The following CPXM2 variants were observed in gnomAD, a reference collection of about 807,000 sequenced individuals.
The protein encoded by CPXM2 is inactive carboxypeptidase-like protein X2.
CPXM2 carries 66 observed loss-of-function variants against 86.1 expected under a neutral mutation model. That is an observed-to-expected ratio of 0.77 (90% CI 0.63 to 0.94). The LOEUF (loss-of-function observed/expected upper bound fraction) is 0.94, where lower values mean the gene tolerates loss of function less well. Ranked by LOEUF, CPXM2 falls within the 40% of genes least tolerant of loss-of-function variation. The pLI, the probability that CPXM2 is intolerant of heterozygous loss-of-function variation, is 0.00. For synonymous variants in CPXM2, 388 were observed against 400.2 expected (o/e 0.97, Z 0.36); for missense variants, 948 against 1,026.3 (o/e 0.92, Z 1.04).
intron 4 of CPXM2, among the ~76,000 whole-genome samples, chr10:123,828,557 T>C (rs562237722): frequency 6.3e-4 from 96 of 152,340 alleles, no homozygotes; most frequent in African/African-American, 2.2e-3. Flanking sequence ...ATGTAAGATG[T>C]TCCTTGCTCT....
intron 13 of CPXM2, chr10:123,752,267 G>A: frequency 1.0e-6 from 1 of 985,340 alleles, no homozygotes; most frequent in Non-Finnish European, 1.2e-6. Context: ...TGAAAAAAAT[G>A]AACACCTATG....
chr10:123,885,464 T>C lies in CPXM2; in HGVS notation c.305-5155A>G, dbSNP rs148164333. ...CTCTTCATCCTGGAAAAACTCACCA[T>C]GGAGCACCTACCTGTGCCTAGCATG... On this transcript the variant is annotated intron_variant, in intron 1 of 13. Transcript: ENST00000241305. The surrounding 1 kb of genome is among the most constrained non-coding windows in gnomAD (Gnocchi z 4.0). Among the ~76,000 whole-genome samples the C allele has an allele frequency of 8.3e-4, 127 of 152,330 alleles. No homozygotes were observed. Among genetic ancestry groups the C allele is most frequent in the African/African-American group, 3.0e-3 (123 of 41,574 alleles).
At chr10:123,806,708 A>C (rs1444373508) in intron 4 of CPXM2, among the ~76,000 whole-genome samples, 2 of 152,154 alleles carry the variant, frequency 1.3e-5, no homozygotes, top group Admixed American at 1.3e-4. Context: ...GGTGGAAAGC[A>C]AAGGGGAACA....
In CPXM2 at chr10:123,868,806, CTG is replaced by C. The variant is rs745836212; in HGVS notation, c.404-6085_404-6084del. Among the ~76,000 whole-genome samples, 149 of 152,206 alleles carry C rather than the reference CTG, an allele frequency of 9.8e-4. 1 individual carries two copies. The highest frequency in any genetic ancestry group is 2.1e-3 in the South Asian group (10 of 4,798). On this transcript the variant is annotated intron_variant, in intron 2 of 13. Transcript: ENST00000241305. ...ACGTGACCGGCAGGTGCAGCAGACA[CTG>C]AGGACTGCATGGCACTTCCCGCAAA... is the stretch of plus-strand genomic sequence containing the variant.
chr10:123,915,929 G>C (rs1945531234), intron 2 of CPXM2, among the ~76,000 whole-genome samples: 1 of 152,122 alleles, frequency 6.6e-6, no homozygotes, highest in African/African-American at 2.4e-5. Flanking sequence ...CTGCCCTTGA[G>C]CAATTTTCTG....
intron 4 of CPXM2, among the ~76,000 whole-genome samples, chr10:123,838,997 C>T (rs1471162062): frequency 3.3e-5 from 5 of 152,178 alleles, no homozygotes; most frequent in African/African-American, 1.2e-4. Flanking sequence ...TCTATATTTT[C>T]TAAATATTTC....
At chr10:123,846,520 C>T (rs1415562234) in intron 3 of CPXM2, among the ~76,000 whole-genome samples, 1 of 152,224 alleles carries the variant, frequency 6.6e-6, no homozygotes, top group East Asian at 1.9e-4. Context: ...TCACTTCTTG[C>T]TGTGAAAGCC....
intron 6 of CPXM2, among the ~76,000 whole-genome samples, chr10:123,793,893 C>A (rs1002968566): frequency 1.3e-5 from 2 of 152,196 alleles, no homozygotes; most frequent in African/African-American, 4.8e-5. Context: ...CCCATGGTGA[C>A]CCAACAGAGC....
chr10:123,899,768 C>T (rs532925057), intron 2 of CPXM2, among the ~76,000 whole-genome samples: 4 of 152,208 alleles, frequency 2.6e-5, no homozygotes, highest in East Asian at 3.9e-4. Context: ...TTACCACACA[C>T]GAAAGTGGAC....
intron 1 of CPXM2, among the ~76,000 whole-genome samples, chr10:123,883,069 C>T (rs1026945752): frequency 6.6e-6 from 1 of 151,942 alleles, no homozygotes; most frequent in Non-Finnish European, 1.5e-5. Flanking sequence ...ATCACAACAC[C>T]ATGGCCCGGG....
chr10:123,877,646 C>G (rs965452666), intron 2 of CPXM2, among the ~76,000 whole-genome samples: 11 of 152,180 alleles, frequency 7.2e-5, no homozygotes, highest in African/African-American at 2.7e-4. Flanking sequence ...CAGCCCAAAG[C>G]CAAGGGACTT....
chr10:123,899,286 A>ATTATACATAAAC (rs1945363225), intron 2 of CPXM2, among the ~76,000 whole-genome samples: 1 of 149,242 alleles, frequency 6.7e-6, no homozygotes, highest in Admixed American at 6.9e-5. Context: ...TATACATAAA[A>ATTATACATAAAC]TCCATAAAGT....
chr10:123,821,528 C>T (rs1388482778), intron 4 of CPXM2, among the ~76,000 whole-genome samples: 2 of 152,228 alleles, frequency 1.3e-5, no homozygotes, highest in South Asian at 2.1e-4. Context: ...CTGCCAACCA[C>T]GTAAGTGTGT....
chr10:123,831,194 G>T (rs1213694604), intron 4 of CPXM2, among the ~76,000 whole-genome samples: 3 of 152,306 alleles, frequency 2.0e-5, no homozygotes, highest in Non-Finnish European at 4.4e-5. Flanking sequence ...TGGGTACAGG[G>T]TGAAGCAGTT....
chr10:123,821,655 G>A (rs1226107195), intron 4 of CPXM2, among the ~76,000 whole-genome samples: 1 of 152,174 alleles, frequency 6.6e-6, no homozygotes, highest in Non-Finnish European at 1.5e-5. Flanking sequence ...GTCAAATGGG[G>A]GTAATGTTGT....
intron 1 of CPXM2, among the ~76,000 whole-genome samples, chr10:123,881,858 C>T (rs1405619043): frequency 5.3e-5 from 8 of 152,208 alleles, no homozygotes; most frequent in African/African-American, 1.9e-4. Flanking sequence ...TGATGTCTGG[C>T]TTTGCTCACT....
chr10:123,752,472 C>T, intron 13 of CPXM2: 1 of 985,402 alleles, frequency 1.0e-6, no homozygotes, highest in Non-Finnish European at 1.2e-6. Flanking sequence ...CACATTTCCC[C>T]CATTTACATA....
At chr10:123,802,231 T>C (rs1482961817) in intron 4 of CPXM2, among the ~76,000 whole-genome samples, 1 of 152,216 alleles carries the variant, frequency 6.6e-6, no homozygotes, top group African/African-American at 2.4e-5. Flanking sequence ...TCAAAGTACC[T>C]GAAGACCAAT....
At chr10:123,758,041 A>G (rs1846252703) in intron 11 of CPXM2, among the ~76,000 whole-genome samples, 1 of 152,098 alleles carries the variant, frequency 6.6e-6, no homozygotes, top group South Asian at 2.1e-4. Flanking sequence ...ACAGCTCCGA[A>G]TAGACCATCG....
Sources: gnomAD v4.1 joint callset for allele counts (sites outside exome capture counted in the v4.1 genomes callset) on GRCh38, gnomAD v4.1.1 for gene constraint, Gnocchi (gnomAD v3.1) non-coding constraint, MANE v1.5 for transcripts, NCBI Gene and HGNC (gene_info 2026-07-23, HGNC 2026-07-21) for gene names.